MAP9: variants seen among roughly 807,000 people sequenced by gnomAD.
The protein encoded by MAP9 is microtubule-associated protein 9.
A neutral mutation model predicts 75.2 loss-of-function variants in MAP9; 80 were observed. The ratio of observed to expected loss-of-function variants is 1.06; its 90% CI spans 0.89 to 1.28. The LOEUF is 1.28. Among genes scored for constraint, MAP9 ranks in the 50% most tolerant of loss-of-function variants. The pLI is 0.00. For synonymous variants in MAP9, 235 were observed against 237.3 expected (o/e 0.99, Z 0.09); for missense variants, 753 against 719.9 (o/e 1.05, Z -0.53).
rs766328506 is a variant in MAP9 at position 155,353,169 on chromosome 4, T to C, written c.1542+10A>G. 1.6e-5 allele frequency: 26 copies of C among 1,580,252 alleles called. No individual in the cohort carries two copies. The highest frequency in any genetic ancestry group is 2.0e-5 in the Non-Finnish European group (23 of 1,168,648). ...TTTAAAATAATTAAGATGTGCAAAG[T>C]TCTGAATACTTGTAGTGCTTCTCCT... is the stretch of plus-strand genomic sequence containing the variant. On this transcript the variant is annotated intron_variant, in intron 11 of 13. Transcript: ENST00000311277.
chr4:155,375,521 T>A (rs1245884786), intron 2 of MAP9, among the ~76,000 whole-genome samples: 1 of 152,118 alleles, frequency 6.6e-6, no homozygotes, highest in African/African-American at 2.4e-5. Flanking sequence ...AGTTTTTATA[T>A]AAAAATGGCA....
Position 155,352,991 on chromosome 4 carries a change from AT to A in MAP9, c.1608del (p.Glu536AspfsTer22), listed in dbSNP as rs1560803487. ...TCTTTCTGTTTCTTTGCTCTTTCAT[AT>A]TCTCTCTCCTTTCTATTTTTCTCTT... The part of the protein sequence containing the change: ...YLKEKNRKER[E>X]YERAKKQKEE... On this transcript the variant is annotated frameshift_variant, in exon 12 of 14. Coordinates refer to ENST00000311277, the MANE Select transcript of MAP9 (RefSeq NM_001039580.2). LOFTEE classifies it high-confidence loss of function. 1.3e-6 allele frequency: 2 copies of A among 1,540,424 alleles called. No homozygotes were observed. Among genetic ancestry groups the A allele is most frequent in the South Asian group, 2.4e-5 (2 of 83,022 alleles).
In MAP9 at chr4:155,344,619, G is replaced by C. The variant is rs1578823514; in HGVS notation, c.*3164C>G. 1 of 151,858 alleles carries C rather than the reference G, an allele frequency of 6.6e-6. No individual in the cohort carries two copies. Among genetic ancestry groups the C allele is most frequent in the Non-Finnish European group, 1.5e-5 (1 of 67,848 alleles). The allele number at this position is 151,858 out of a possible 1,614,324, so 9.4% of individuals were successfully genotyped here. A position where few individuals can be genotyped will look rare whatever the true frequency, so the allele number is the denominator to read the frequency against. On this transcript the variant is annotated 3_prime_UTR_variant, in exon 14 of 14. Coordinates refer to ENST00000311277, the MANE Select transcript of MAP9 (RefSeq NM_001039580.2). ...TCAATATAACTTTAAACAATAAATG[G>C]ACTAACACTTTTGAAGTATGAAGCA...
Position 155,375,923 on chromosome 4 carries a change from TACAAA to T in MAP9, c.-64-14_-64-10del, listed in dbSNP as rs1732820471. The T allele has an allele frequency of 3.0e-6, 3 of 986,436 alleles. No homozygotes were observed. Among genetic ancestry groups the T allele is most frequent in the East Asian group, 2.4e-5 (1 of 41,476 alleles). 61.1% of individuals were successfully genotyped at this position (986,436 alleles called of 1,614,324 possible). ...TCAACTTCTGATAGTAGCTGAAATA[TACAAA>T]ACAAATCAGACTTCGCATGCTTCAG... is the stretch of plus-strand genomic sequence containing the variant. On this transcript the variant is annotated splice_polypyrimidine_tract_variant and intron_variant, in intron 1 of 13. Coordinates refer to ENST00000311277, the MANE Select transcript of MAP9 (RefSeq NM_001039580.2).
chr4:155,351,160 T>C (rs560083967), intron 13 of MAP9: 1 of 151,804 alleles, frequency 6.6e-6, no homozygotes, highest in Non-Finnish European at 1.5e-5. Context: ...ATCACGAGAC[T>C]GACCAATGGA....
rs1731712982 is a variant in MAP9 at position 155,355,148 on chromosome 4, T to C, written c.1303A>G (p.Lys435Glu). The change falls in exon 10 of 14, where the codon AAG (lysine) becomes GAG (glutamate). Residue 435 changes from lysine to glutamate, a missense_variant. Physicochemically the swap from Lys to Glu is moderately conservative, Grantham distance 56. Transcript: ENST00000311277. ...RAAVYQEWLE[K>E]KNVYLHEMHR... Reference sequence around the variant, plus strand: ...ATTTCATGTAAATACACATTTTTCTTTTCTAACCACTCCTATAAGAACAAG... The same window carrying C: ...ATTTCATGTAAATACACATTTTTCTCTTCTAACCACTCCTATAAGAACAAG... 7.9e-7 allele frequency: 1 copy of C among 1,272,502 alleles called. No individual in the cohort carries two copies. Among genetic ancestry groups the C allele is most frequent in the South Asian group, 1.4e-5 (1 of 69,424 alleles). The allele number at this position is 1,272,502 out of a possible 1,614,324, so 78.8% of individuals were successfully genotyped here. A position where few individuals can be genotyped will look rare whatever the true frequency, so the allele number is the denominator to read the frequency against.
chr4:155,359,210 T>TATACACACACACAC (rs371399839), intron 7 of MAP9, among the ~76,000 whole-genome samples: 23 of 145,580 alleles, frequency 1.6e-4, no homozygotes, highest in African/African-American at 5.3e-4. Context: ...AAAATGTGTA[T>TATACACACACACAC]ACACACACAC....
rs1444103690 is a variant in MAP9 at position 155,345,761 on chromosome 4, ATAAT to A, written c.*2018_*2021del. 2.0e-5 allele frequency: 3 copies of A among 152,196 alleles called. No individual in the cohort carries two copies. Among genetic ancestry groups the A allele is most frequent in the African/African-American group, 7.2e-5 (3 of 41,466 alleles). 9.4% of individuals were successfully genotyped at this position (152,196 alleles called of 1,614,324 possible). ...GAAGAAAATAATGGAAAGTAAATAA[ATAAT>A]GTGAAATCTATAAGATACACATCCA... On this transcript the variant is annotated 3_prime_UTR_variant, in exon 14 of 14. Transcript: ENST00000311277.
At chr4:155,356,073 C>T (rs977673353) in intron 8 of MAP9, among the ~76,000 whole-genome samples, 189 bp from the exon 9 acceptor site, 1 of 152,154 alleles carries the variant, frequency 6.6e-6, no homozygotes, top group African/African-American at 2.4e-5. Context: ...TGTTGACCAG[C>T]CTGGGCAACA....
intron 5 of MAP9, 157 bp downstream of exon 5, chr4:155,368,429 G>A: frequency 1.5e-6 from 1 of 662,398 alleles, no homozygotes; most frequent in East Asian, 2.7e-5. Flanking sequence ...GTGGAATACA[G>A]TGTATTTTTA....
At chr4:155,348,981 A>G (rs1211931759) in intron 13 of MAP9, among the ~76,000 whole-genome samples, 1 of 92,538 alleles carries the variant, frequency 1.1e-5, no homozygotes, top group East Asian at 5.3e-4. Context: ...TTCAAAATGG[A>G]CAGAAACAAA....
rs1731207324 is a variant in MAP9 at position 155,344,262 on chromosome 4, C to T, written c.*3521G>A. 6.6e-6 allele frequency: 1 copy of T among 151,848 alleles called. No individual in the cohort carries two copies. The highest frequency in any genetic ancestry group is 1.5e-5 in the Non-Finnish European group (1 of 67,850). The allele number at this position is 151,848 out of a possible 1,614,324, so 9.4% of individuals were successfully genotyped here. A position where few individuals can be genotyped will look rare whatever the true frequency, so the allele number is the denominator to read the frequency against. On this transcript the variant is annotated 3_prime_UTR_variant, in exon 14 of 14. Coordinates refer to ENST00000311277, the MANE Select transcript of MAP9 (RefSeq NM_001039580.2). Reference sequence around the variant, plus strand: ...AGGAGTAAGGAGATAAATAAGAGGACATGAATCAACTAAATTAATAATAAC... The same window carrying T: ...AGGAGTAAGGAGATAAATAAGAGGATATGAATCAACTAAATTAATAATAAC...
intron 5 of MAP9, among the ~76,000 whole-genome samples, chr4:155,366,188 G>A (rs753650638): frequency 1.3e-4 from 19 of 151,828 alleles, no homozygotes; most frequent in Non-Finnish European, 2.2e-4. Flanking sequence ...GTGAAACCCC[G>A]TCTCTACTAA....
chr4:155,353,685 CATA>C (rs1731630112), intron 10 of MAP9, among the ~76,000 whole-genome samples: 1 of 151,460 alleles, frequency 6.6e-6, no homozygotes, highest in Non-Finnish European at 1.5e-5. Context: ...GTAAAATTTT[CATA>C]ATAAAATATT....
intron 5 of MAP9, chr4:155,363,288 C>T (rs1732172321): frequency 6.6e-6 from 1 of 151,966 alleles, no homozygotes. Flanking sequence ...TATCCACTTG[C>T]TAGAAAATAT....
intron 5 of MAP9, among the ~76,000 whole-genome samples, chr4:155,366,386 T>G (rs1732331847): frequency 6.7e-6 from 1 of 149,522 alleles, no homozygotes; most frequent in South Asian, 2.1e-4. Context: ...GTAAAAGAAA[T>G]AATACTGAAT....
At chr4:155,369,791 T>G (rs1732515547) in intron 4 of MAP9, among the ~76,000 whole-genome samples, 1 of 152,118 alleles carries the variant, frequency 6.6e-6, no homozygotes, top group African/African-American at 2.4e-5. Context: ...TCTTTAGCAT[T>G]TATTAAAATT....
At chr4:155,368,165 A>G (rs983737492) in intron 5 of MAP9, 4 of 230,648 alleles carry the variant, frequency 1.7e-5, no homozygotes, top group African/African-American at 9.1e-5. Flanking sequence ...AATCAAATAA[A>G]TAAAATGACA....
Position 155,362,148 on chromosome 4 carries a change from T to C in MAP9, c.709-7A>G. 1 of 1,515,888 alleles carries C rather than the reference T, an allele frequency of 6.6e-7. No individual in the cohort carries two copies. Among genetic ancestry groups the C allele is most frequent in the Non-Finnish European group, 8.9e-7 (1 of 1,121,644 alleles). 93.9% of individuals were successfully genotyped at this position (1,515,888 alleles called of 1,614,324 possible). A position where few individuals can be genotyped will look rare whatever the true frequency, so the allele number is the denominator to read the frequency against. Reference sequence around the variant, plus strand: ...GACTTGTTAAGCATGAATCCTGTTTTCGCAAAAAAAAATACATTTGCCACA... The same window carrying C: ...GACTTGTTAAGCATGAATCCTGTTTCCGCAAAAAAAAATACATTTGCCACA... On this transcript the variant is annotated splice_polypyrimidine_tract_variant and splice_region_variant and intron_variant, in intron 5 of 13. Coordinates refer to ENST00000311277, the MANE Select transcript of MAP9 (RefSeq NM_001039580.2).
Sources: allele counts gnomAD v4.1 joint callset (sites outside exome capture counted in the v4.1 genomes callset), GRCh38; gene constraint gnomAD v4.1.1; transcripts MANE v1.5; gene names NCBI Gene and HGNC (gene_info 2026-07-23, HGNC 2026-07-21).